The following ARMC3 variants were observed in gnomAD, a reference collection of about 807,000 sequenced individuals.
ARMC3 encodes the protein armadillo repeat-containing protein 3.
A neutral mutation model predicts 90.3 loss-of-function variants in ARMC3; 74 were observed. The ratio of observed to expected loss-of-function variants is 0.82; its 90% CI spans 0.68 to 0.99. The LOEUF is 0.99. Ranked by LOEUF, ARMC3 falls within the 50% of genes least tolerant of loss-of-function variation. ARMC3 has a pLI of 0.00. For missense variants in ARMC3, 958 were observed against 1,042.8 expected (o/e 0.92, Z 1.12); for synonymous variants, 334 against 361.8 (o/e 0.92, Z 0.87).
At position 23,003,141 on chromosome 10, in the gene ARMC3, C is replaced by G. The variant is rs1367064112; in HGVS notation, c.1563-105C>G. Reference sequence around the variant, plus strand: ...CTAAGAGGGTGGGGGAGGCTTTAAGCTCCATCTCCATTCTTCCTTCAGGAT... The same window carrying G: ...CTAAGAGGGTGGGGGAGGCTTTAAGGTCCATCTCCATTCTTCCTTCAGGAT... On this transcript the variant is annotated intron_variant, in intron 12 of 18. Coordinates refer to ENST00000298032, the MANE Select transcript of ARMC3 (RefSeq NM_173081.5). 3 of 1,025,898 alleles carry G rather than the reference C, an allele frequency of 2.9e-6. No individual in the cohort carries two copies. In the African/African-American group the frequency reaches 4.9e-5, roughly 17 times the overall value. The allele number at this position is 1,025,898 out of a possible 1,614,324, so 63.5% of individuals were successfully genotyped here.
chr10:22,963,887 TCACACACACACACACA>T (rs1218675914), intron 7 of ARMC3, among the ~76,000 whole-genome samples: 3 of 33,874 alleles, frequency 8.9e-5, no homozygotes, highest in Admixed American at 5.3e-4. Flanking sequence ...AGACTCTGTC[TCACACACACACACACA>T]CACACACACA....
intron 4 of ARMC3, among the ~76,000 whole-genome samples, chr10:22,957,309 G>A (rs1000823947): frequency 1.3e-5 from 2 of 152,156 alleles, no homozygotes; most frequent in African/African-American, 4.8e-5. Context: ...GGGGAGAGAC[G>A]TGGAAGGGCG....
intron 16 of ARMC3, among the ~76,000 whole-genome samples, chr10:23,022,289 G>A (rs1342605354): frequency 6.6e-6 from 1 of 152,180 alleles, no homozygotes; most frequent in African/African-American, 2.4e-5. Context: ...TTGATGAAAA[G>A]CAACATTTTT....
intron 10 of ARMC3, among the ~76,000 whole-genome samples, chr10:22,987,298 C>A (rs1251155117): frequency 6.6e-6 from 1 of 152,128 alleles, no homozygotes. Flanking sequence ...AGGAGCAGAC[C>A]CTACACATTA....
chr10:22,930,990 C>A (rs368867517), intron 1 of ARMC3, among the ~76,000 whole-genome samples: 2 of 151,672 alleles, frequency 1.3e-5, no homozygotes, highest in East Asian at 1.9e-4. Context: ...TGCAGTGGTG[C>A]GATCTCGGCT....
chr10:23,028,111 C>G (rs1838786686), intron 16 of ARMC3, among the ~76,000 whole-genome samples: 1 of 152,064 alleles, frequency 6.6e-6, no homozygotes. Flanking sequence ...GCCAGTGCAC[C>G]CCAGCCTGGG....
At chr10:23,018,672 A>T (rs1159730649) in intron 16 of ARMC3, among the ~76,000 whole-genome samples, 1 of 151,890 alleles carries the variant, frequency 6.6e-6, no homozygotes, top group Non-Finnish European at 1.5e-5. Flanking sequence ...GCCTGCCACC[A>T]CACCTGGCTA....
At chr10:22,995,221 T>G (rs1249990448) in intron 10 of ARMC3, among the ~76,000 whole-genome samples, 1 of 152,250 alleles carries the variant, frequency 6.6e-6, no homozygotes, top group Non-Finnish European at 1.5e-5. Flanking sequence ...AATTCTTTTT[T>G]GTTTTTTAAA....
intron 10 of ARMC3, among the ~76,000 whole-genome samples, chr10:22,988,908 C>T (rs1021952242): frequency 2.6e-5 from 4 of 152,194 alleles, no homozygotes; most frequent in Admixed American, 2.6e-4. Flanking sequence ...AACGTAGTCC[C>T]ATGAAAAATG....
chr10:22,957,133 T>C (rs577630348), intron 4 of ARMC3, among the ~76,000 whole-genome samples: 3 of 152,294 alleles, frequency 2.0e-5, no homozygotes, highest in Non-Finnish European at 2.9e-5. Context: ...CCCCGTCTTA[T>C]GATAATCTCA....
rs190130131 is a variant in ARMC3, at chr10:23,033,591, G to A, written c.2409+568G>A. Among the ~76,000 whole-genome samples the A allele has an allele frequency of 7.9e-5, 12 of 152,270 alleles. No homozygotes were observed. In the South Asian group the frequency reaches 1.2e-3, roughly 16 times the overall value. On this transcript the variant is annotated intron_variant, in intron 18 of 18. Transcript: ENST00000298032. The stretch of plus-strand genomic sequence containing the variant: ...TGTGCATGAGGAAAAGAGGAGGGGC[G>A]AATGCTAGATCATAACGCATCATGT...
chr10:22,974,190 A>G (rs1473699226), intron 8 of ARMC3, among the ~76,000 whole-genome samples: 1 of 152,090 alleles, frequency 6.6e-6, no homozygotes, highest in Non-Finnish European at 1.5e-5. Flanking sequence ...GTATTATCAA[A>G]CATGGTCTTG....
intron 16 of ARMC3, among the ~76,000 whole-genome samples, chr10:23,025,532 G>C (rs947290797): frequency 2.0e-5 from 3 of 151,998 alleles, no homozygotes; most frequent in African/African-American, 7.2e-5. Flanking sequence ...AAAAAATTAA[G>C]AACGTAGGAC....
At chr10:23,023,689 A>T (rs1338070718) in intron 16 of ARMC3, among the ~76,000 whole-genome samples, 2 of 152,192 alleles carry the variant, frequency 1.3e-5, no homozygotes, top group African/African-American at 2.4e-5. Flanking sequence ...ACTGAAAAGT[A>T]TAATAACAGA....
intron 16 of ARMC3, among the ~76,000 whole-genome samples, chr10:23,020,620 T>C (rs1838470921): frequency 6.6e-6 from 1 of 152,214 alleles, no homozygotes; most frequent in Non-Finnish European, 1.5e-5. Context: ...ATTGTTAGTA[T>C]TTATTTATCC....
chr10:22,936,380 C>G, intron 2 of ARMC3, among the ~76,000 whole-genome samples: 1 of 152,136 alleles, frequency 6.6e-6, no homozygotes, highest in East Asian at 1.9e-4. Flanking sequence ...CCTGTGACTA[C>G]CATATTGGAT....
chr10:22,999,376 G>A (rs953623216), intron 11 of ARMC3, among the ~76,000 whole-genome samples: 8 of 152,220 alleles, frequency 5.3e-5, no homozygotes, highest in African/African-American at 1.7e-4. Flanking sequence ...AGGGAGATCC[G>A]CATCTCTACA....
intron 8 of ARMC3, among the ~76,000 whole-genome samples, chr10:22,975,048 C>T (rs898702055): frequency 6.6e-6 from 1 of 152,200 alleles, no homozygotes; most frequent in Non-Finnish European, 1.5e-5. Context: ...GTCAATTTCT[C>T]ATAATAAAGC....
rs73600576 is a variant in ARMC3, at chr10:22,943,195, T to A, written c.49-2949T>A. 2.0e-5 allele frequency among the ~76,000 whole-genome samples: 3 copies of A among 152,288 alleles called. No homozygotes were observed. In the South Asian group the frequency reaches 6.2e-4, roughly 32 times the overall value. On this transcript the variant is annotated intron_variant, in intron 2 of 18. Transcript: ENST00000298032. ...TAACACAAACAGAGTCAATTTTGCT[T>A]TTTAATCCAATCTAACAGCCTTAGT...
Sources: gnomAD v4.1 joint callset for allele counts (sites outside exome capture counted in the v4.1 genomes callset) on GRCh38, gnomAD v4.1.1 for gene constraint, MANE v1.5 for transcripts, NCBI Gene and HGNC (gene_info 2026-07-23, HGNC 2026-07-21) for gene names.